MBD5: variants seen among roughly 807,000 people sequenced by gnomAD.
MBD5 encodes methyl-CpG-binding domain protein 5.
MBD5 carries 13 observed loss-of-function variants against 117.3 expected under a neutral mutation model. That is an observed-to-expected ratio of 0.11 (90% CI 0.07 to 0.18). The LOEUF is 0.18. MBD5 is among the 10% of genes least tolerant of loss of function. The probability of loss-of-function intolerance (pLI) is 1.00; values close to 1 mark genes in which losing one functional copy is unlikely to be tolerated. For synonymous variants in MBD5, 727 were observed against 766.4 expected (o/e 0.95, Z 0.85); for missense variants, 1,879 against 2,093.8 (o/e 0.90, Z 2.00).
At chr2:148,244,884 A>G (rs1700300521) in intron 3 of MBD5, among the ~76,000 whole-genome samples, 4 of 152,214 alleles carry the variant, frequency 2.6e-5, no homozygotes, top group South Asian at 4.1e-4. Context: ...CCCATGAATC[A>G]TAACCAGGCC....
chr2:148,149,733 G>C (rs1413179939), intron 1 of MBD5, among the ~76,000 whole-genome samples: 1 of 152,166 alleles, frequency 6.6e-6, no homozygotes, highest in South Asian at 2.1e-4. Flanking sequence ...CTGCATAAAT[G>C]TCTTCTTTTG....
At chr2:148,147,127 T>A (rs1406183274) in intron 1 of MBD5, among the ~76,000 whole-genome samples, 1 of 152,114 alleles carries the variant, frequency 6.6e-6, no homozygotes, top group Non-Finnish European at 1.5e-5. Flanking sequence ...TGGGTTTCCA[T>A]GGGAACAGTT....
chr2:148,276,835 A>T (rs1701125349), intron 3 of MBD5, among the ~76,000 whole-genome samples: 1 of 152,094 alleles, frequency 6.6e-6, no homozygotes, highest in Non-Finnish European at 1.5e-5. Flanking sequence ...TATATGTATG[A>T]TGACTTTTCT....
chr2:148,470,284 G>T lies in MBD5; in HGVS notation c.2341G>T (p.Ala781Ser). The T allele has an allele frequency of 6.2e-7, 1 of 1,613,910 alleles. No individual in the cohort carries two copies. Among genetic ancestry groups the T allele is most frequent in the South Asian group, 1.1e-5 (1 of 91,076 alleles). ...CAGTCCAGTCCCCAACCACCATCTT[G>T]CAGGTTTAATAAATCAGATTCAGGC... ...SNSPVPNHHL[A>S]GLINQIQASG... Residue 781 changes from alanine to serine, a missense_variant, in exon 8 of 14, where the codon GCA becomes TCA. By Grantham distance (99) the Ala-to-Ser change is moderately conservative (BLOSUM62 1). Transcript: ENST00000642680.
chr2:148,347,933 CTCAGGTTTCAA>C (rs1202889343), intron 4 of MBD5, among the ~76,000 whole-genome samples: 1 of 151,952 alleles, frequency 6.6e-6, no homozygotes, highest in Non-Finnish European at 1.5e-5. Context: ...CTACTCATCC[CTCAGGTTTCAA>C]TGAAAATGCC....
intron 1 of MBD5, among the ~76,000 whole-genome samples, chr2:148,176,312 T>G (rs1053852634): frequency 4.0e-5 from 6 of 151,318 alleles, no homozygotes; most frequent in East Asian, 1.9e-4. Flanking sequence ...TTGTTTTTTT[T>G]TTTTTTTTTT....
chr2:148,330,033 A>ACCACCC (rs1702592613), intron 3 of MBD5, among the ~76,000 whole-genome samples: 1 of 17,690 alleles, frequency 5.7e-5, no homozygotes. Context: ...GTAGGTAAGA[A>ACCACCC]CCCCCCCCCG....
chr2:148,144,564 G>A (rs1267561177), intron 1 of MBD5, among the ~76,000 whole-genome samples: 3 of 151,998 alleles, frequency 2.0e-5, no homozygotes, highest in Non-Finnish European at 4.4e-5. Flanking sequence ...TTTCTTCTAG[G>A]GTTTTTATGG....
chr2:148,241,603 C>T (rs1326965306), intron 3 of MBD5, among the ~76,000 whole-genome samples: 1 of 152,022 alleles, frequency 6.6e-6, no homozygotes, highest in African/African-American at 2.4e-5. Flanking sequence ...TTCTGGGCCC[C>T]CCCTCCCTGA....
Position 148,411,512 on chromosome 2 carries a change from C to T in MBD5, c.-556-46691C>T, listed in dbSNP as rs373418160. ...CTCCGGGAACTTACCAGCATCTGTT[C>T]TTTTTTTTTTTTTTTTTTTTTTGTA... On this transcript the variant is annotated intron_variant, in intron 4 of 13. Coordinates refer to ENST00000642680, the MANE Select transcript of MBD5 (RefSeq NM_001378120.1). 4.0e-3 allele frequency among the ~76,000 whole-genome samples: 389 copies of T among 97,402 alleles called. 2 individuals are homozygous for T. In the Middle Eastern group the frequency reaches 0.059, roughly 15 times the overall value. 63.9% of individuals were successfully genotyped at this position (97,402 alleles called of 152,430 possible).
intron 1 of MBD5, among the ~76,000 whole-genome samples, chr2:148,178,233 T>G (rs79403799): frequency 0.013 from 2,003 of 152,258 alleles, 58 homozygotes; most frequent in Admixed American, 0.061. Context: ...GAATAGAATT[T>G]TGAATTTTTC....
chr2:148,365,309 A>G (rs187376107), intron 4 of MBD5, among the ~76,000 whole-genome samples: 93 of 152,332 alleles, frequency 6.1e-4, no homozygotes, highest in African/African-American at 2.1e-3. Context: ...AAGACACAAC[A>G]TACCAGAATC....
At chr2:148,489,363 T>C (rs759904922) in intron 10 of MBD5, 23 bp from the exon 11 acceptor site, 7 of 1,614,056 alleles carry the variant, frequency 4.3e-6, no homozygotes, top group South Asian at 1.1e-5. Flanking sequence ...TTTCTCTCAC[T>C]GCTTCCTGTC....
At chr2:148,271,333 G>T (rs1007126336) in intron 3 of MBD5, among the ~76,000 whole-genome samples, 2 of 152,120 alleles carry the variant, frequency 1.3e-5, no homozygotes, top group Non-Finnish European at 2.9e-5. Flanking sequence ...AGAGAATTAT[G>T]TTCTCTGTTA....
chr2:148,254,730 G>T (rs1451651357), intron 3 of MBD5, among the ~76,000 whole-genome samples: 1 of 152,176 alleles, frequency 6.6e-6, no homozygotes, highest in Non-Finnish European at 1.5e-5. Context: ...CATATGTTCA[G>T]TGTGATGACA....
At position 148,469,362 on chromosome 2, in the gene MBD5, G is replaced by A. The variant is rs1057524543; in HGVS notation, c.1419G>A (p.Met473Ile). ...CATCATCAGATCATGGAAATTTCATGATGCCACCTGTAGGACCCCAGGCCA... is the reference window on the plus strand; with the variant it reads ...CATCATCAGATCATGGAAATTTCATAATGCCACCTGTAGGACCCCAGGCCA... ...SSTSSDHGNF[M>I]MPPVGPQATS... The change falls in exon 8 of 14, where the codon ATG becomes ATA. Residue 473 changes from methionine to isoleucine, a missense_variant. Physicochemically the swap from Met to Ile is conservative, Grantham distance 10. Coordinates refer to ENST00000642680, the MANE Select transcript of MBD5 (RefSeq NM_001378120.1). The A allele has an allele frequency of 1.2e-6, 2 of 1,613,662 alleles. No individual in the cohort carries two copies. Among genetic ancestry groups the A allele is most frequent in the Non-Finnish European group, 1.7e-6 (2 of 1,179,920 alleles).
intron 1 of MBD5, among the ~76,000 whole-genome samples, chr2:148,052,206 GT>G (rs70992189): frequency 0.028 from 2,331 of 83,630 alleles, 21 homozygotes; most frequent in African/African-American, 0.1. Flanking sequence ...CTGTTATTGA[GT>G]TTTTTTTTTT....
At position 148,483,870 on chromosome 2, in the gene MBD5, C is replaced by G; in HGVS notation, c.3279C>G (p.Val1093=). 6.4e-7 allele frequency: 1 copy of G among 1,550,588 alleles called. No homozygotes were observed. ...MTLNPQLLGG[V]LNSASANTAN... ...TGAATCCCCAGCTGTTGGGAGGTGT[C>G]CTGAACTCGGCATCGGCCAACACCG... The change falls in exon 9 of 14, where the codon GTC becomes GTG. Residue 1093 remains valine, a synonymous_variant. Coordinates refer to ENST00000642680, the MANE Select transcript of MBD5 (RefSeq NM_001378120.1).
chr2:148,306,170 A>AT (rs1701887235), intron 3 of MBD5, among the ~76,000 whole-genome samples: 1 of 152,168 alleles, frequency 6.6e-6, no homozygotes, highest in African/African-American at 2.4e-5. Flanking sequence ...ATTTAAGTGA[A>AT]TTCCTCTCTT....
Sources: gnomAD v4.1 joint callset for allele counts (sites outside exome capture counted in the v4.1 genomes callset) on GRCh38, gnomAD v4.1.1 for gene constraint, MANE v1.5 for transcripts, NCBI Gene and HGNC (gene_info 2026-07-23, HGNC 2026-07-21) for gene names.